The following DLG2 variants were observed in gnomAD, a reference collection of about 807,000 sequenced individuals.
The protein encoded by DLG2 is discs large MAGUK scaffold protein 2, also known as disks large homolog 2.
In DLG2, 45 loss-of-function variants were observed where a neutral mutation model predicts 132.5. The ratio of observed to expected loss-of-function variants is 0.34; its 90% CI spans 0.27 to 0.44. The LOEUF (loss-of-function observed/expected upper bound fraction) is 0.44. Among genes scored for constraint, DLG2 ranks in the 20% least tolerant of loss-of-function variants. The pLI, the probability that DLG2 is intolerant of heterozygous loss-of-function variation, is 1.00. For synonymous variants in DLG2, 424 were observed against 419.6 expected, an observed-to-expected ratio of 1.01 and a Z score of -0.13; for missense variants, 1,045 against 1,196.9, an observed-to-expected ratio of 0.87 and a Z score of 1.87.
chr11:84,315,344 T>C (rs1447910136), intron 7 of DLG2, among the ~76,000 whole-genome samples: 1 of 152,162 alleles, frequency 6.6e-6, no homozygotes, highest in Non-Finnish European at 1.5e-5. Context: ...AAATAAAAAG[T>C]ATGTTACATC....
intron 6 of DLG2, among the ~76,000 whole-genome samples, chr11:84,978,784 C>T (rs1020564358): frequency 1.2e-4 from 18 of 152,142 alleles, no homozygotes; most frequent in Non-Finnish European, 2.5e-4. Context: ...ACACCAAAAG[C>T]AATGGCAACA....
At chr11:84,232,554 G>T (rs1193117567) in intron 8 of DLG2, among the ~76,000 whole-genome samples, 4 of 152,154 alleles carry the variant, frequency 2.6e-5, no homozygotes, top group Admixed American at 6.5e-5. Context: ...AGACCATTAG[G>T]TTATGAGGTG....
intron 17 of DLG2, among the ~76,000 whole-genome samples, chr11:83,795,441 A>ATATATCTATATC (rs71066068): frequency 1.4e-4 from 20 of 147,436 alleles, no homozygotes; most frequent in Admixed American, 3.4e-4. Flanking sequence ...ATCTATATCT[A>ATATATCTATATC]TATATCTATA....
intron 7 of DLG2, among the ~76,000 whole-genome samples, chr11:84,298,871 A>C (rs2098122361): frequency 6.6e-6 from 1 of 152,218 alleles, no homozygotes; most frequent in South Asian, 2.1e-4. Context: ...TGACCAGAAC[A>C]CAACAGTAGT....
chr11:84,685,858 T>A (rs903738564), intron 6 of DLG2, among the ~76,000 whole-genome samples: 1 of 152,070 alleles, frequency 6.6e-6, no homozygotes, highest in Non-Finnish European at 1.5e-5. Context: ...GACTAATTTT[T>A]TGTATTTTTT....
chr11:85,483,364 C>T (rs533574109), intron 3 of DLG2, among the ~76,000 whole-genome samples: 47 of 152,200 alleles, frequency 3.1e-4, no homozygotes, highest in African/African-American at 1.1e-3. Context: ...ACTAAGAATA[C>T]TGTATCTAGC....
intron 8 of DLG2, among the ~76,000 whole-genome samples, chr11:84,174,154 AT>A (rs35818518): frequency 2.6e-4 from 37 of 144,972 alleles, no homozygotes; most frequent in Middle Eastern, 3.7e-3. Flanking sequence ...TGTTAAGGAG[AT>A]TTTTTTTTTG....
intron 6 of DLG2, among the ~76,000 whole-genome samples, chr11:85,022,451 A>G (rs1411528147): frequency 6.6e-6 from 1 of 152,098 alleles, no homozygotes; most frequent in Non-Finnish European, 1.5e-5. Flanking sequence ...TGGTAAGGGA[A>G]TTATATATAT....
chr11:84,280,794 T>C (rs1335777634), intron 7 of DLG2, among the ~76,000 whole-genome samples: 1 of 151,146 alleles, frequency 6.6e-6, no homozygotes, highest in African/African-American at 2.4e-5. Context: ...GCCTCCCTGG[T>C]TCACGCCATT....
chr11:84,098,704 C>A (rs1457680425), intron 10 of DLG2, among the ~76,000 whole-genome samples: 1 of 152,150 alleles, frequency 6.6e-6, no homozygotes, highest in Non-Finnish European at 1.5e-5. Flanking sequence ...CAGTGCCTGG[C>A]CCAATGTTCA....
At chr11:84,895,371 A>C (rs904128919) in intron 6 of DLG2, among the ~76,000 whole-genome samples, 3 of 152,120 alleles carry the variant, frequency 2.0e-5, no homozygotes, top group Non-Finnish European at 2.9e-5. Context: ...AACCTGTTTC[A>C]CTGTGATTTT....
intron 7 of DLG2, among the ~76,000 whole-genome samples, chr11:84,433,587 A>G (rs2098991331): frequency 6.6e-6 from 1 of 152,264 alleles, no homozygotes; most frequent in Admixed American, 6.5e-5. Flanking sequence ...TTGTTGGTAC[A>G]AATGAACTTT....
In DLG2 at chr11:85,022,366, T is replaced by G. The variant is rs116376167; in HGVS notation, c.357+89295A>C. 2.3e-3 allele frequency among the ~76,000 whole-genome samples: 343 copies of G among 152,154 alleles called. 1 individual carries two copies. The highest frequency in any genetic ancestry group is 8.0e-3 in the African/African-American group (333 of 41,546). ...ATCGATAAACTTCTCACAGATCTAATGAAGACAAAAATAATATATACTTTG... is the reference window on the plus strand; with the variant it reads ...ATCGATAAACTTCTCACAGATCTAAGGAAGACAAAAATAATATATACTTTG... On this transcript the variant is annotated intron_variant, in intron 6 of 27. Coordinates refer to ENST00000376104, the MANE Select transcript of DLG2 (RefSeq NM_001142699.3).
intron 19 of DLG2, among the ~76,000 whole-genome samples, chr11:83,590,163 C>G (rs1371351462): frequency 1.4e-5 from 2 of 148,108 alleles, no homozygotes; most frequent in Admixed American, 6.8e-5. Context: ...ACAGAACTCT[C>G]CACCCCAAAT....
At chr11:84,383,853 AAAT>A in intron 7 of DLG2, among the ~76,000 whole-genome samples, 1 of 152,068 alleles carries the variant, frequency 6.6e-6, no homozygotes, top group African/African-American at 2.4e-5. Flanking sequence ...GGAAACTGTG[AAAT>A]AATAAACATG....
At chr11:84,378,349 G>T (rs1010689391) in intron 7 of DLG2, among the ~76,000 whole-genome samples, 10 of 152,050 alleles carry the variant, frequency 6.6e-5, no homozygotes, top group Admixed American at 6.6e-4. Context: ...CCAAGAAAAG[G>T]TTCCTCACCA....
intron 3 of DLG2, among the ~76,000 whole-genome samples, chr11:85,541,604 T>C (rs967133855): frequency 1.3e-5 from 2 of 152,060 alleles, no homozygotes; most frequent in African/African-American, 4.8e-5. Flanking sequence ...AAACTACTAC[T>C]GATTTGACTT....
intron 16 of DLG2, among the ~76,000 whole-genome samples, 157 bp downstream of exon 16, chr11:83,874,263 A>AGGAAGGAAGGAAG (rs1316234330): frequency 4.2e-5 from 6 of 142,518 alleles, no homozygotes; most frequent in Non-Finnish European, 9.2e-5. Flanking sequence ...AAGGAAGGAA[A>AGGAAGGAAGGAAG]GAAGGAAGGA....
intron 19 of DLG2, among the ~76,000 whole-genome samples, chr11:83,571,335 G>A (rs948703524): frequency 8.2e-6 from 1 of 121,944 alleles, no homozygotes; most frequent in Non-Finnish European, 1.7e-5. Context: ...AACACTGGAA[G>A]TTAAAAATTA....
Sources: allele counts gnomAD v4.1 joint callset (sites outside exome capture counted in the v4.1 genomes callset), GRCh38; gene constraint gnomAD v4.1.1; transcripts MANE v1.5; gene names NCBI Gene and HGNC (gene_info 2026-07-23, HGNC 2026-07-21).